CALN1: variants seen among roughly 807,000 people sequenced by gnomAD.
The protein encoded by CALN1 is calcium-binding protein 8.
Under a neutral mutation model 30.6 loss-of-function variants are expected in CALN1, and 17 were observed. That is an observed-to-expected ratio of 0.56 (90% CI 0.38 to 0.83). CALN1 has a LOEUF of 0.83. CALN1 is among the 40% of genes least tolerant of loss of function. The pLI, the probability that CALN1 is intolerant of heterozygous loss-of-function variation, is 0.00. For synonymous variants in CALN1, 156 were observed against 131.4 expected, an observed-to-expected ratio of 1.19 and a Z score of -1.28; for missense variants, 291 against 354.9, an observed-to-expected ratio of 0.82 and a Z score of 1.45.
chr7:72,070,056 C>T (rs1418751024), intron 4 of CALN1, among the ~76,000 whole-genome samples: 1 of 152,166 alleles, frequency 6.6e-6, no homozygotes, highest in Non-Finnish European at 1.5e-5. Flanking sequence ...AGGCAACTCC[C>T]TCTAGCCTTG....
intron 5 of CALN1, among the ~76,000 whole-genome samples, chr7:72,018,524 T>A (rs534695772): frequency 6.6e-6 from 1 of 152,182 alleles, no homozygotes; most frequent in Non-Finnish European, 1.5e-5. Flanking sequence ...TTACAACTTA[T>A]GCATAGGAAA....
At chr7:71,788,148 T>A (rs991843248) in intron 6 of CALN1, among the ~76,000 whole-genome samples, 4 of 152,184 alleles carry the variant, frequency 2.6e-5, no homozygotes, top group African/African-American at 9.6e-5. Context: ...AGAATCATGA[T>A]GGATGTGATG....
chr7:72,380,716 G>GATAGATACATAGATAC (rs138046357), intron 2 of CALN1, among the ~76,000 whole-genome samples: 8 of 150,622 alleles, frequency 5.3e-5, no homozygotes, highest in African/African-American at 1.2e-4. Flanking sequence ...TAGATAGATA[G>GATAGATACATAGATAC]ATAGATACAT....
At chr7:72,332,870 T>C (rs148041210) in intron 2 of CALN1, among the ~76,000 whole-genome samples, 80 of 152,274 alleles carry the variant, frequency 5.3e-4, no homozygotes, top group African/African-American at 1.8e-3. Context: ...CAGAGCCAGC[T>C]TCCTCCCTGG....
At chr7:72,309,797 C>T (rs1799917605) in intron 2 of CALN1, among the ~76,000 whole-genome samples, 1 of 152,214 alleles carries the variant, frequency 6.6e-6, no homozygotes, top group Non-Finnish European at 1.5e-5. Context: ...TTAGTCATCT[C>T]TCTACTCTCT....
chr7:72,241,612 A>AG (rs1324785798), intron 3 of CALN1, among the ~76,000 whole-genome samples: 1 of 152,194 alleles, frequency 6.6e-6, no homozygotes, highest in Non-Finnish European at 1.5e-5. Flanking sequence ...AGGCTGAGGC[A>AG]GGAAAATCGC....
chr7:71,977,427 C>T (rs1282155595), intron 5 of CALN1, among the ~76,000 whole-genome samples: 2 of 151,716 alleles, frequency 1.3e-5, no homozygotes, highest in Non-Finnish European at 2.9e-5. Flanking sequence ...ACAGCAAGAC[C>T]CTGTTTCAAA....
chr7:72,278,725 T>C lies in CALN1; in HGVS notation c.205A>G (p.Ser69Gly). ...LNRSLSAGSD[S>G]EQLANISVEE... is the part of the protein sequence containing the mutation. ...ACGGAGATATTAGCCAGCTGTTCGC[T>C]GTCACTGCCAGCAGAGAGCGATCGG... The change falls in exon 3 of 7, where the codon AGC (serine) becomes GGC (glycine). Residue 69 changes from serine to glycine, a missense_variant. Coordinates refer to ENST00000395275, the MANE Select transcript of CALN1 (RefSeq NM_031468.4). The C allele has an allele frequency of 6.2e-7, 1 of 1,614,022 alleles. No homozygotes were observed. The highest frequency in any genetic ancestry group is 1.1e-5 in the South Asian group (1 of 91,082).
intron 5 of CALN1, among the ~76,000 whole-genome samples, chr7:71,924,771 T>A (rs923915338): frequency 6.6e-6 from 1 of 152,230 alleles, no homozygotes; most frequent in African/African-American, 2.4e-5. Context: ...CTCCTGATTT[T>A]TTTCTCTCCA....
intron 3 of CALN1, among the ~76,000 whole-genome samples, chr7:72,175,114 C>G (rs2129545688): frequency 6.6e-6 from 1 of 151,606 alleles, no homozygotes; most frequent in Admixed American, 6.6e-5. Flanking sequence ...CACTCTGTCA[C>G]CCAGGCTGGA....
the CALN1 span, among the ~76,000 whole-genome samples, chr7:72,472,876 T>C: frequency 1.3e-5 from 2 of 152,212 alleles, no homozygotes; most frequent in African/African-American, 4.8e-5. Context: ...CCCGTGGACA[T>C]TGGCCAGGAT....
rs562102422 is a variant in CALN1 at position 72,063,643 on chromosome 7, A to G, written c.389-39874T>C. ...CTGAAAAAAGCAAAACTTGGATAGT[A>G]TAACTGAATATCTATTTGAATTACT... is the stretch of plus-strand genomic sequence containing the variant. On this transcript the variant is annotated intron_variant, in intron 4 of 6. Coordinates refer to ENST00000395275, the MANE Select transcript of CALN1 (RefSeq NM_031468.4). Among the ~76,000 whole-genome samples, 10 of 152,352 alleles carry G rather than the reference A, an allele frequency of 6.6e-5. No individual in the cohort carries two copies. In the East Asian group the frequency reaches 1.3e-3, roughly 21 times the overall value.
chr7:72,103,344 G>A, intron 4 of CALN1: 1 of 170,950 alleles, frequency 5.8e-6, no homozygotes, highest in Admixed American at 5.8e-5. Flanking sequence ...AGCAAGTGAG[G>A]TCCTGGCCAG....
chr7:72,383,342 G>C (rs945436006), intron 2 of CALN1, among the ~76,000 whole-genome samples: 1 of 152,210 alleles, frequency 6.6e-6, no homozygotes, highest in Non-Finnish European at 1.5e-5. Context: ...TCTCCAAACT[G>C]CTTTCCACAG....
chr7:72,393,742 C>CT (rs11302119), intron 2 of CALN1, among the ~76,000 whole-genome samples: 1,277 of 125,770 alleles, frequency 0.01, 9 homozygotes, highest in Non-Finnish European at 0.013. Flanking sequence ...GACCATAGAG[C>CT]TTTTTTTTTT....
intron 2 of CALN1, among the ~76,000 whole-genome samples, chr7:72,364,400 GT>G (rs1228736899): frequency 2.6e-5 from 4 of 152,340 alleles, no homozygotes; most frequent in Non-Finnish European, 5.9e-5. Context: ...AACTATAGAT[GT>G]ATCTGTAATT....
At chr7:72,261,179 G>A (rs12539838) in intron 3 of CALN1, among the ~76,000 whole-genome samples, 54,368 of 151,950 alleles carry the variant, frequency 0.36, 10,676 homozygotes, top group Middle Eastern at 0.55. Context: ...GTGGTGGCAC[G>A]CACCTGTGAT....
chr7:72,356,368 T>G (rs1195574053), intron 2 of CALN1, among the ~76,000 whole-genome samples: 1 of 151,914 alleles, frequency 6.6e-6, no homozygotes, highest in African/African-American at 2.4e-5. Context: ...GTAAAATACA[T>G]GAAAACAATT....
intron 5 of CALN1, among the ~76,000 whole-genome samples, chr7:72,021,315 T>C (rs555032735): frequency 1.6e-4 from 24 of 151,772 alleles, no homozygotes; most frequent in Middle Eastern, 3.4e-3. Context: ...TTCAGGAGAA[T>C]AGATGGAGAA....
Sources: gnomAD v4.1 joint callset for allele counts (sites outside exome capture counted in the v4.1 genomes callset) on GRCh38, gnomAD v4.1.1 for gene constraint, MANE v1.5 for transcripts, NCBI Gene and HGNC (gene_info 2026-07-23, HGNC 2026-07-21) for gene names.